The following EPHA6 variants were observed in gnomAD, a reference collection of about 807,000 sequenced individuals.
EPHA6 encodes the protein EPH receptor A6.
In EPHA6, 50 loss-of-function variants were observed where a neutral mutation model predicts 112.0. That is an observed-to-expected ratio of 0.45 (90% CI 0.36 to 0.56). The LOEUF is 0.56. Ranked by LOEUF, EPHA6 falls within the 20% of genes least tolerant of loss-of-function variation. The pLI is 0.00. For synonymous variants in EPHA6, 529 were observed against 490.7 expected (o/e 1.08, Z -1.03); for missense variants, 1,280 against 1,417.4 (o/e 0.90, Z 1.56).
At chr3:97,232,871 C>T (rs2078568803) in intron 4 of EPHA6, among the ~76,000 whole-genome samples, 1 of 152,070 alleles carries the variant, frequency 6.6e-6, no homozygotes, top group Admixed American at 6.6e-5. Flanking sequence ...TGCTGGCACT[C>T]GGGAGGGGCC....
Position 97,682,859 on chromosome 3 carries a change from A to C in EPHA6, c.2785-37402A>C, listed in dbSNP as rs367866764. Among the ~76,000 whole-genome samples the C allele has an allele frequency of 2.2e-4, 34 of 152,280 alleles. No homozygotes were observed. In the South Asian group the frequency reaches 2.7e-3, roughly 12 times the overall value. ...TATTCAATTGTTCAAAACAAAATTC[A>C]TTCTCCCGTATTAGACTACAAGAAT... On this transcript the variant is annotated intron_variant, in intron 14 of 17. Coordinates refer to ENST00000389672, the MANE Select transcript of EPHA6 (RefSeq NM_001080448.3).
intron 3 of EPHA6, among the ~76,000 whole-genome samples, chr3:97,097,090 A>C (rs1165929191): frequency 6.6e-6 from 1 of 151,802 alleles, no homozygotes; most frequent in Non-Finnish European, 1.5e-5. Flanking sequence ...ATATTATGAA[A>C]AAAAGAAAAA....
intron 6 of EPHA6, among the ~76,000 whole-genome samples, chr3:97,440,056 T>A (rs976216805): frequency 2.0e-5 from 3 of 152,114 alleles, no homozygotes; most frequent in African/African-American, 7.2e-5. Context: ...GAGGGAAATG[T>A]AAACTACATT....
At chr3:96,946,620 T>G (rs946319556) in intron 2 of EPHA6, among the ~76,000 whole-genome samples, 1 of 152,138 alleles carries the variant, frequency 6.6e-6, no homozygotes, top group Non-Finnish European at 1.5e-5. Context: ...TTGTGAATAG[T>G]GCCGCAATAA....
At chr3:96,934,320 C>G (rs1005156767) in intron 2 of EPHA6, among the ~76,000 whole-genome samples, 1 of 151,398 alleles carries the variant, frequency 6.6e-6, no homozygotes, top group Non-Finnish European at 1.5e-5. Flanking sequence ...AGAGTTTATT[C>G]TTTATGATCC....
At chr3:97,424,970 C>T (rs2088989893) in intron 6 of EPHA6, among the ~76,000 whole-genome samples, 1 of 152,124 alleles carries the variant, frequency 6.6e-6, no homozygotes, top group South Asian at 2.1e-4. Flanking sequence ...AATTTTAAAG[C>T]TCCCAAAGAA....
At chr3:97,353,987 G>A (rs1246371207) in intron 5 of EPHA6, among the ~76,000 whole-genome samples, 1 of 152,176 alleles carries the variant, frequency 6.6e-6, no homozygotes, top group African/African-American at 2.4e-5. Flanking sequence ...TCTCTGCCTG[G>A]TAATCCAGGG....
intron 5 of EPHA6, among the ~76,000 whole-genome samples, chr3:97,382,242 G>T (rs958321883): frequency 6.6e-6 from 1 of 151,964 alleles, no homozygotes; most frequent in Admixed American, 6.6e-5. Flanking sequence ...TCATGGAAAT[G>T]TTCAGATAAA....
intron 2 of EPHA6, among the ~76,000 whole-genome samples, chr3:96,903,283 C>A (rs754596091): frequency 6.6e-6 from 1 of 152,074 alleles, no homozygotes; most frequent in Non-Finnish European, 1.5e-5. Context: ...GGGGCAAAGG[C>A]AAGAGTTGTA....
At chr3:97,422,872 T>C (rs1355223104) in intron 6 of EPHA6, among the ~76,000 whole-genome samples, 1 of 152,100 alleles carries the variant, frequency 6.6e-6, no homozygotes, top group Non-Finnish European at 1.5e-5. Context: ...CAAATCAATG[T>C]GATTCAGTAA....
intron 14 of EPHA6, among the ~76,000 whole-genome samples, chr3:97,681,712 G>T (rs147927132): frequency 6.6e-6 from 1 of 152,088 alleles, no homozygotes; most frequent in Admixed American, 6.6e-5. Context: ...AAAATATGTG[G>T]TGCATTGATC....
intron 6 of EPHA6, among the ~76,000 whole-genome samples, chr3:97,420,596 T>G (rs1250491512): frequency 6.6e-6 from 1 of 152,116 alleles, no homozygotes; most frequent in Non-Finnish European, 1.5e-5. Context: ...TTAGATGGTT[T>G]TTAAGTCATT....
intron 1 of EPHA6, among the ~76,000 whole-genome samples, chr3:96,864,754 CACTT>C (rs1418936124): frequency 6.6e-6 from 1 of 151,838 alleles, no homozygotes; most frequent in Non-Finnish European, 1.5e-5. Context: ...TTAAAAAAAA[CACTT>C]AAACAGGAAT....
At chr3:97,614,680 A>C (rs1034459812) in intron 13 of EPHA6, among the ~76,000 whole-genome samples, 5 of 151,864 alleles carry the variant, frequency 3.3e-5, no homozygotes, top group Non-Finnish European at 7.4e-5. Flanking sequence ...AGTGCAAATC[A>C]CTTAGGCAAA....
At chr3:97,007,752 T>C (rs1309501034) in intron 3 of EPHA6, among the ~76,000 whole-genome samples, 2 of 152,210 alleles carry the variant, frequency 1.3e-5, no homozygotes, top group African/African-American at 4.8e-5. Flanking sequence ...AGTTTTTCCT[T>C]TCCATATTTA....
intron 10 of EPHA6, among the ~76,000 whole-genome samples, chr3:97,493,538 TC>T (rs1200612067): frequency 6.6e-6 from 1 of 152,102 alleles, no homozygotes; most frequent in Non-Finnish European, 1.5e-5. Flanking sequence ...AGCCTTAATT[TC>T]TTCCAAAAGA....
intron 2 of EPHA6, among the ~76,000 whole-genome samples, chr3:96,892,264 A>T (rs1359461309): frequency 1.3e-5 from 2 of 152,072 alleles, no homozygotes; most frequent in African/African-American, 4.8e-5. Flanking sequence ...TCTGTCGCCC[A>T]GGCTGGAGTA....
chr3:96,829,541 G>A lies in EPHA6; in HGVS notation c.385+14533G>A, dbSNP rs1017101171. Among the ~76,000 whole-genome samples the A allele has an allele frequency of 2.0e-5, 3 of 152,118 alleles. No individual in the cohort carries two copies. In the East Asian group the frequency reaches 5.8e-4, roughly 29 times the overall value. ...CCCTTCATAAGTACCCAGAGGAAAA[G>A]AGGTGTGGTCATTTCCTTGCCCTCC... is the stretch of plus-strand genomic sequence containing the variant. On this transcript the variant is annotated intron_variant, in intron 1 of 17. Transcript: ENST00000389672.
rs1437745703 is a variant in EPHA6 at position 97,756,342 on chromosome 3, G to A, written c.*7641G>A. Among the ~76,000 whole-genome samples, 1 of 151,924 alleles carries A rather than the reference G, an allele frequency of 6.6e-6. No individual in the cohort carries two copies. On this transcript the variant is annotated 3_prime_UTR_variant, in exon 18 of 18. Coordinates refer to ENST00000389672, the MANE Select transcript of EPHA6 (RefSeq NM_001080448.3). ...GCTATTTTTTTCTGTCAATGTGATT[G>A]ATATGCTCATTGTTAAATTTAACTT...
Sources: gnomAD v4.1 joint callset for allele counts (sites outside exome capture counted in the v4.1 genomes callset) on GRCh38, gnomAD v4.1.1 for gene constraint, MANE v1.5 for transcripts, NCBI Gene and HGNC (gene_info 2026-07-23, HGNC 2026-07-21) for gene names.